The following P4HA1 variants were observed in gnomAD, a reference collection of about 807,000 sequenced individuals.
The protein encoded by P4HA1 is prolyl 4-hydroxylase subunit alpha 1.
P4HA1 carries 24 observed loss-of-function variants against 72.8 expected under a neutral mutation model. That is an observed-to-expected ratio of 0.33 (90% CI 0.24 to 0.46). The LOEUF (loss-of-function observed/expected upper bound fraction) is 0.46, where lower values mean the gene tolerates loss of function less well. P4HA1 is among the 20% of genes least tolerant of loss of function. The probability of loss-of-function intolerance (pLI) is 1.00; values close to 1 mark genes in which losing one functional copy is unlikely to be tolerated. For missense variants in P4HA1, 446 were observed against 640.6 expected (o/e 0.70, Z 3.28); for synonymous variants, 201 against 218.8 (o/e 0.92, Z 0.72).
At chr10:73,077,439 C>A (rs545362039) in intron 1 of P4HA1, among the ~76,000 whole-genome samples, 1 of 152,210 alleles carries the variant, frequency 6.6e-6, no homozygotes, top group African/African-American at 2.4e-5. Flanking sequence ...CATTAGCCTA[C>A]AGAAATAACT....
rs953193273 is a variant in P4HA1 at position 73,007,648 on chromosome 10, A to G, written c.*574T>C. On this transcript the variant is annotated 3_prime_UTR_variant, in exon 15 of 15. Coordinates refer to ENST00000394890, the MANE Select transcript of P4HA1 (RefSeq NM_001017962.3). The stretch of plus-strand genomic sequence containing the variant: ...AATTCACCACAGAGGAGCTAAAAGA[A>G]AAGAGAGGGGGTTGGTAAAATACAG... 2 of 152,192 alleles carry G rather than the reference A, an allele frequency of 1.3e-5. No homozygotes were observed. Among genetic ancestry groups the G allele is most frequent in the Non-Finnish European group, 2.9e-5 (2 of 68,038 alleles). 9.4% of individuals were successfully genotyped at this position (152,192 alleles called of 1,614,324 possible).
At chr10:73,040,466 G>A (rs1327784913) in intron 9 of P4HA1, among the ~76,000 whole-genome samples, 6 of 148,560 alleles carry the variant, frequency 4.0e-5, no homozygotes, top group Non-Finnish European at 5.9e-5. Flanking sequence ...CCAAAACATC[G>A]AATTCATGAA....
At chr10:73,055,100 G>GTGCA (rs1046136442) in intron 5 of P4HA1, among the ~76,000 whole-genome samples, 9 of 152,114 alleles carry the variant, frequency 5.9e-5, no homozygotes, top group African/African-American at 2.2e-4. Flanking sequence ...AGACATTGTG[G>GTGCA]TGCATACCTG....
chr10:73,033,827 G>T (rs60207551), intron 9 of P4HA1, among the ~76,000 whole-genome samples: 16,286 of 152,170 alleles, frequency 0.11, 1,252 homozygotes, highest in East Asian at 0.29. Context: ...CGAAGCAATG[G>T]TTTAGCTATG....
intron 12 of P4HA1, among the ~76,000 whole-genome samples, chr10:73,011,642 C>T (rs967653757): frequency 5.3e-5 from 8 of 151,810 alleles, no homozygotes; most frequent in African/African-American, 1.9e-4. Context: ...TTAAATTAAC[C>T]AAAGAATCAC....
At position 73,082,849 on chromosome 10, in the gene P4HA1, CTTATGGTG is replaced by C. The variant is rs1841854138; in HGVS notation, c.-32-7942_-32-7935del. Among the ~76,000 whole-genome samples, 4 of 145,548 alleles carry C rather than the reference CTTATGGTG, an allele frequency of 2.7e-5. 2 individuals are homozygous for C. The highest frequency in any genetic ancestry group is 4.3e-4 in the East Asian group (2 of 4,604). On this transcript the variant is annotated intron_variant, in intron 1 of 14. Transcript: ENST00000394890. ...TCCTAAATCAGGCCATTATAATGTG[CTTATGGTG>C]TCTCACTTCTATTTATTCTACCTTC...
At chr10:73,065,744 T>C (rs2133120760) in intron 5 of P4HA1, among the ~76,000 whole-genome samples, 1 of 152,288 alleles carries the variant, frequency 6.6e-6, no homozygotes, top group Middle Eastern at 3.4e-3. Context: ...AGAGAAAGCC[T>C]TGCACGTGAG....
chr10:73,090,156 G>C (rs543692520), intron 1 of P4HA1, among the ~76,000 whole-genome samples: 1 of 149,846 alleles, frequency 6.7e-6, no homozygotes, highest in Non-Finnish European at 1.5e-5. Flanking sequence ...TTTTGAGACA[G>C]AGACTCATTT....
At chr10:73,042,271 G>A (rs74970822) in intron 9 of P4HA1, among the ~76,000 whole-genome samples, 101 of 152,186 alleles carry the variant, frequency 6.6e-4, no homozygotes, top group African/African-American at 2.2e-3. Context: ...GTATAGTAAC[G>A]TTTAAGGTTA....
intron 9 of P4HA1, among the ~76,000 whole-genome samples, chr10:73,039,672 G>A (rs1013584163): frequency 6.6e-6 from 1 of 152,108 alleles, no homozygotes; most frequent in Non-Finnish European, 1.5e-5. Context: ...TCTATTTGCT[G>A]AAATGCTGGA....
rs373365323 is a variant in P4HA1, at chr10:73,070,918, C to T, written c.325+1111G>A. Among the ~76,000 whole-genome samples, 214 of 152,170 alleles carry T rather than the reference C, an allele frequency of 1.4e-3. 4 individuals carry two copies. The South Asian group carries it at 0.042, about 30-fold the overall frequency. On this transcript the variant is annotated intron_variant, in intron 4 of 14. Transcript: ENST00000394890. Reference sequence around the variant, plus strand: ...TTCAGGGGCCAGGAACCATGGCTCACGCGTGTAATCCCTAGCGCTGTGGGA... The same window carrying T: ...TTCAGGGGCCAGGAACCATGGCTCATGCGTGTAATCCCTAGCGCTGTGGGA...
At chr10:73,058,620 T>C (rs1841216946) in intron 5 of P4HA1, among the ~76,000 whole-genome samples, 2 of 151,888 alleles carry the variant, frequency 1.3e-5, no homozygotes, top group African/African-American at 4.8e-5. Context: ...AATCATCCTC[T>C]ACTGACAATA....
chr10:73,015,062 C>T (rs778057833), intron 11 of P4HA1, among the ~76,000 whole-genome samples: 28 of 151,760 alleles, frequency 1.8e-4, no homozygotes, highest in Non-Finnish European at 2.8e-4. Flanking sequence ...AACTCCTGAC[C>T]TCAAGTGATC....
intron 1 of P4HA1, among the ~76,000 whole-genome samples, chr10:73,085,815 G>T (rs573783579): frequency 6.6e-6 from 1 of 152,250 alleles, no homozygotes; most frequent in East Asian, 1.9e-4. Flanking sequence ...CCACTTCACT[G>T]CCACTTTGAT....
chr10:73,093,850 A>ATAAAAAAAAAAAT (rs769648559), intron 1 of P4HA1, among the ~76,000 whole-genome samples: 4 of 53,086 alleles, frequency 7.5e-5, no homozygotes, highest in African/African-American at 3.1e-4. Context: ...CTCAAAAAAA[A>ATAAAAAAAAAAAT]AAAAAAAAAA....
intron 5 of P4HA1, among the ~76,000 whole-genome samples, chr10:73,058,215 G>C (rs1208282389): frequency 6.6e-6 from 1 of 151,698 alleles, no homozygotes. Context: ...ATCTTTAGAT[G>C]GTTATTAAGA....
intron 1 of P4HA1, among the ~76,000 whole-genome samples, chr10:73,086,751 G>C (rs1215529658): frequency 1.3e-5 from 2 of 151,938 alleles, no homozygotes; most frequent in Admixed American, 1.3e-4. Flanking sequence ...TGGCCAACAT[G>C]GTGAAACCCC....
In P4HA1 at chr10:73,092,491, G is replaced by C. The variant is rs991014666; in HGVS notation, c.-33+4275C>G. On this transcript the variant is annotated intron_variant, in intron 1 of 14. Transcript: ENST00000394890. ...CAGCCTCCCAAGTAGTTAGACTACA[G>C]ATGCATGCAACCTCATGCCCCCTTA... 1.9e-4 allele frequency among the ~76,000 whole-genome samples: 28 copies of C among 150,058 alleles called. 1 individual carries two copies. Among genetic ancestry groups the C allele is most frequent in the African/African-American group, 6.8e-4 (28 of 41,012 alleles).
chr10:73,072,850 T>C (rs1452451667), intron 3 of P4HA1, among the ~76,000 whole-genome samples: 2 of 152,098 alleles, frequency 1.3e-5, no homozygotes, highest in African/African-American at 2.4e-5. Flanking sequence ...TAGAAGAGGA[T>C]AGAAGATATT....
Sources: gnomAD v4.1 joint callset for allele counts (sites outside exome capture counted in the v4.1 genomes callset) on GRCh38, gnomAD v4.1.1 for gene constraint, MANE v1.5 for transcripts, NCBI Gene and HGNC (gene_info 2026-07-23, HGNC 2026-07-21) for gene names.